Variants in ENTREP2 observed in about 807,000 individuals in gnomAD.
ENTREP2 encodes the protein protein ENTREP2.
At chr15:29,175,150 A>G in the ENTREP2 span, among the ~76,000 whole-genome samples, 13,716 of 152,150 alleles carry the variant, frequency 0.09, 1,815 homozygotes, top group African/African-American at 0.29. Context: ...CCAGGGCTCC[A>G]AAGCCAGACT....
the ENTREP2 span, among the ~76,000 whole-genome samples, chr15:29,146,384 C>A: frequency 6.6e-6 from 1 of 152,236 alleles, no homozygotes; most frequent in African/African-American, 2.4e-5. Context: ...AGGGCTCACA[C>A]GTCCACACGT....
chr15:29,379,207 C>T, the ENTREP2 span, among the ~76,000 whole-genome samples: 2 of 152,244 alleles, frequency 1.3e-5, no homozygotes, highest in Non-Finnish European at 2.9e-5. Flanking sequence ...ATGTCAGTTT[C>T]AGGCCAAGAA....
At chr15:29,651,536 G>A in the ENTREP2 span, among the ~76,000 whole-genome samples, 9 of 152,272 alleles carry the variant, frequency 5.9e-5, no homozygotes, top group South Asian at 4.1e-4. Flanking sequence ...CCTCCCAGGC[G>A]CAAGACCCGG....
chr15:29,380,639 C>T, the ENTREP2 span, among the ~76,000 whole-genome samples: 2 of 152,288 alleles, frequency 1.3e-5, no homozygotes, highest in African/African-American at 4.8e-5. Flanking sequence ...CTCTCTCCAT[C>T]TCCCGCGTGG....
the ENTREP2 span, among the ~76,000 whole-genome samples, chr15:29,449,035 T>C: frequency 1.3e-5 from 2 of 152,134 alleles, no homozygotes; most frequent in African/African-American, 4.8e-5. Context: ...TGTTACTGCA[T>C]CTACATGAAA....
the ENTREP2 span, among the ~76,000 whole-genome samples, chr15:29,487,653 T>C: frequency 6.6e-6 from 1 of 152,332 alleles, no homozygotes; most frequent in African/African-American, 2.4e-5. Context: ...AAGAATCTGA[T>C]CTCCAGAGTT....
the ENTREP2 span, among the ~76,000 whole-genome samples, chr15:29,329,563 G>A: frequency 2.6e-5 from 4 of 152,084 alleles, no homozygotes; most frequent in Non-Finnish European, 5.9e-5. Context: ...AAGCACACCT[G>A]GCACTGAGAT....
At chr15:29,598,512 T>C in the ENTREP2 span, among the ~76,000 whole-genome samples, 1 of 152,210 alleles carries the variant, frequency 6.6e-6, no homozygotes, top group Non-Finnish European at 1.5e-5. Flanking sequence ...GGTCATGACA[T>C]GGTTTAAAGC....
the ENTREP2 span, among the ~76,000 whole-genome samples, chr15:29,194,211 A>G: frequency 1.5e-4 from 23 of 152,384 alleles, no homozygotes; most frequent in Non-Finnish European, 2.2e-4. Flanking sequence ...ACTCGCTTCC[A>G]ATAGTCCCTG....
chr15:29,214,888 C>G, the ENTREP2 span, among the ~76,000 whole-genome samples: 1 of 152,138 alleles, frequency 6.6e-6, no homozygotes, highest in African/African-American at 2.4e-5. Context: ...GTTCCACTTG[C>G]TGTTGAATAG....
At chr15:29,552,543 G>A in the ENTREP2 span, among the ~76,000 whole-genome samples, 138 of 151,896 alleles carry the variant, frequency 9.1e-4, no homozygotes, top group African/African-American at 3.2e-3. Flanking sequence ...AGGCCAGCCT[G>A]GGCAACATAA....
chr15:29,598,311 T>C, the ENTREP2 span, among the ~76,000 whole-genome samples: 20 of 152,218 alleles, frequency 1.3e-4, no homozygotes, highest in African/African-American at 4.6e-4. Context: ...TATGTCATTA[T>C]TGTGGTGATT....
the ENTREP2 span, among the ~76,000 whole-genome samples, chr15:29,630,750 T>A: frequency 2.6e-5 from 4 of 152,198 alleles, no homozygotes; most frequent in Non-Finnish European, 4.4e-5. Flanking sequence ...TGCAGTGGCA[T>A]GATCTCAGCT....
the ENTREP2 span, among the ~76,000 whole-genome samples, chr15:29,421,165 C>T: frequency 2.0e-5 from 3 of 152,164 alleles, no homozygotes; most frequent in African/African-American, 7.2e-5. Flanking sequence ...GTCAGTATTA[C>T]TGAGAGGCTA....
the ENTREP2 span, among the ~76,000 whole-genome samples, chr15:29,564,506 G>A: frequency 3.9e-5 from 6 of 152,220 alleles, no homozygotes; most frequent in African/African-American, 1.4e-4. Context: ...CTTACTGTAC[G>A]TTTCTAAGAT....
At chr15:29,134,056 A>G in the ENTREP2 span, among the ~76,000 whole-genome samples, 1 of 151,932 alleles carries the variant, frequency 6.6e-6, no homozygotes, top group African/African-American at 2.4e-5. Context: ...TGGACCCCCA[A>G]ATTGGGCCTG....
At chr15:29,444,187 A>AC in the ENTREP2 span, among the ~76,000 whole-genome samples, 9,712 of 92,404 alleles carry the variant, frequency 0.11, 895 homozygotes, top group Non-Finnish European at 0.12. Flanking sequence ...AGAAAGAAAG[A>AC]AAGAAAGAAA....
chr15:29,560,614 C>A, the ENTREP2 span, among the ~76,000 whole-genome samples: 1 of 152,014 alleles, frequency 6.6e-6, no homozygotes, highest in African/African-American at 2.4e-5. Flanking sequence ...TCCGCCACAC[C>A]TCTGTTTTGG....
chr15:29,147,529 C>G, the ENTREP2 span, among the ~76,000 whole-genome samples: 14 of 152,022 alleles, frequency 9.2e-5, no homozygotes, highest in Non-Finnish European at 2.1e-4. Context: ...ACCACTTCAC[C>G]ACCATGATGG....
Sources: gnomAD v4.1 joint callset for allele counts (sites outside exome capture counted in the v4.1 genomes callset) on GRCh38, gnomAD v4.1.1 for gene constraint, MANE v1.5 for transcripts, NCBI Gene and HGNC (gene_info 2026-07-23, HGNC 2026-07-21) for gene names.